Variants in HECTD4 observed in about 807,000 individuals in gnomAD.
HECTD4 encodes probable E3 ubiquitin-protein ligase HECTD4.
A neutral mutation model predicts 471.5 loss-of-function variants in HECTD4; 114 were observed. The observed-to-expected ratio is 0.24, with a 90% CI of 0.21 to 0.28. HECTD4 has a LOEUF of 0.28. Ranked by LOEUF, HECTD4 falls within the 10% of genes least tolerant of loss-of-function variation. HECTD4 has a pLI of 1.00. For synonymous variants in HECTD4, 2,012 were observed against 2,256.0 expected (o/e 0.89, Z 3.07); for missense variants, 3,866 against 5,651.5 (o/e 0.68, Z 10.13).
At chr12:112,336,536 T>A (rs2035962089) in intron 1 of HECTD4, among the ~76,000 whole-genome samples, 1 of 151,040 alleles carries the variant, frequency 6.6e-6, no homozygotes, top group Non-Finnish European at 1.5e-5. Flanking sequence ...AAAAAAAAAA[T>A]TCGCACAATT....
Position 112,184,536 on chromosome 12 carries a change from A to T in HECTD4, c.10430T>A (p.Leu3477Gln), listed in dbSNP as rs1318671799. 3.7e-6 allele frequency: 6 copies of T among 1,610,346 alleles called. No individual in the cohort carries two copies. Among genetic ancestry groups the T allele is most frequent in the Non-Finnish European group, 5.1e-6 (6 of 1,179,002 alleles). Residue 3477 changes from leucine to glutamine, a missense_variant, in exon 61 of 76, where the codon CTG becomes CAG. Coordinates refer to ENST00000682272, the MANE Select transcript of HECTD4 (RefSeq NM_001388303.1). This position sits in a 1 kb window ranked among gnomAD's most constrained non-coding sequence, Gnocchi z 9.1. ...DSMEVSTSSS[L>Q]TPAMSISASA... is the part of the protein sequence containing the mutation. ...GGCGCTGATGCTCATGGCGGGGGTC[A>T]GGCTGCTGGACGTGCTGACCTCCAT...
intron 1 of HECTD4, among the ~76,000 whole-genome samples, chr12:112,332,711 A>T (rs2035865404): frequency 6.6e-6 from 1 of 151,910 alleles, no homozygotes; most frequent in African/African-American, 2.4e-5. Context: ...AACATAATTC[A>T]CGTACCATAA....
intron 43 of HECTD4, 132 bp from the exon 44 acceptor site, chr12:112,226,890 C>T: frequency 1.8e-6 from 1 of 556,918 alleles, no homozygotes; most frequent in Non-Finnish European, 3.2e-6. Context: ...ACTCATCTTG[C>T]TTTTTTTTTC....
intron 8 of HECTD4, among the ~76,000 whole-genome samples, chr12:112,280,228 A>G (rs917469741): frequency 1.3e-5 from 2 of 152,068 alleles, no homozygotes; most frequent in Admixed American, 6.6e-5. Flanking sequence ...CCTTATATAC[A>G]TTTTTCTTTT....
At chr12:112,167,133 AG>A in intron 72 of HECTD4, 183 bp downstream of exon 72, 3 of 511,532 alleles carry the variant, frequency 5.9e-6, no homozygotes, top group South Asian at 6.4e-5. Context: ...GCCAGCAGGG[AG>A]GGAGGCCAGA....
chr12:112,238,910 A>G (rs2033577851), intron 34 of HECTD4, 142 bp downstream of exon 34: 1 of 762,256 alleles, frequency 1.3e-6, no homozygotes, highest in Non-Finnish European at 2.0e-6. Flanking sequence ...AAAGTCTCTC[A>G]TGAAATCATC....
chr12:112,230,790 T>C lies in HECTD4; in HGVS notation c.6233A>G (p.His2078Arg), dbSNP rs752120291. 1 of 1,611,034 alleles carries C rather than the reference T, an allele frequency of 6.2e-7. No homozygotes were observed. Among genetic ancestry groups the C allele is most frequent in the Non-Finnish European group, 8.5e-7 (1 of 1,178,652 alleles). The change falls in exon 40 of 76, where the codon CAT becomes CGT. Residue 2078 changes from histidine to arginine, a missense_variant. Coordinates refer to ENST00000682272, the MANE Select transcript of HECTD4 (RefSeq NM_001388303.1). The part of the protein sequence containing the change: ...TDPVRPFISG[H>R]VANSMAAEVI... ...TTCTGCAGCCATGCTGTTTGCCACA[T>C]GCCCACTGATGAAGGGACGCACAGG...
chr12:112,184,072 AG>A lies in HECTD4; in HGVS notation c.10779+114del. 9.9e-7 allele frequency: 1 copy of A among 1,009,798 alleles called. No homozygotes were observed. The allele number at this position is 1,009,798 out of a possible 1,614,324, so 62.6% of individuals were successfully genotyped here. A position where few individuals can be genotyped will look rare whatever the true frequency, so the allele number is the denominator to read the frequency against. On this transcript the variant is annotated intron_variant, in intron 61 of 75. Coordinates refer to ENST00000682272, the MANE Select transcript of HECTD4 (RefSeq NM_001388303.1). The surrounding 1 kb of genome is among the most constrained non-coding windows in gnomAD (Gnocchi z 9.1). ...GCTCATTCCAAGGGCTGCCCCAGGGAGCCCCCAACCGCTCCACCATTACCTA... is the reference window on the plus strand; with the variant it reads ...GCTCATTCCAAGGGCTGCCCCAGGGACCCCCAACCGCTCCACCATTACCTA...
At chr12:112,191,104 A>T (rs1593913573) in intron 59 of HECTD4, 139 bp from the exon 60 acceptor site, 1 of 660,964 alleles carries the variant, frequency 1.5e-6, no homozygotes, top group East Asian at 2.8e-5. Flanking sequence ...AGGAGGACAC[A>T]TAACTCCTGA....
chr12:112,281,917 T>C (rs557971707), intron 8 of HECTD4, among the ~76,000 whole-genome samples: 2 of 152,208 alleles, frequency 1.3e-5, no homozygotes, highest in Non-Finnish European at 2.9e-5. Flanking sequence ...TGGTATGTAA[T>C]CTGTAAACTC....
Position 112,319,229 on chromosome 12 carries a change from C to G in HECTD4, c.691G>C (p.Ala231Pro). ...GATACATTCGATTTTCCTTACCTGGCACAAGCCAAAGCCACCAGGGCAGCA... is the reference window on the plus strand; with the variant it reads ...GATACATTCGATTTTCCTTACCTGGGACAAGCCAAAGCCACCAGGGCAGCA... Reference protein sequence around the residue: ...AAAALVALACARGSLKTFVHT... With the variant: ...AAAALVALACPRGSLKTFVHT... The change falls in exon 2 of 76, where the codon GCC becomes CCC. Residue 231 changes from alanine to proline, a missense_variant. Around this residue, in one of 16 missense-constraint regions of HECTD4, gnomAD observed 440 missense variants for 636.0 expected, o/e 0.69. Transcript: ENST00000682272. The surrounding 1 kb of genome is among the most constrained non-coding windows in gnomAD (Gnocchi z 5.3). 6.5e-7 allele frequency: 1 copy of G among 1,536,048 alleles called. No individual in the cohort carries two copies. Among genetic ancestry groups the G allele is most frequent in the Non-Finnish European group, 8.7e-7 (1 of 1,146,840 alleles).
chr12:112,193,358 C>T lies in HECTD4; in HGVS notation c.8955+111G>A, dbSNP rs968393755. ...AGAAAAGCTTCTAGGAAAAGGAAAT[C>T]GAGAGGAATAGGGACTTGGAAGGGA... On this transcript the variant is annotated intron_variant, in intron 57 of 75. Transcript: ENST00000682272. This position sits in a 1 kb window ranked among gnomAD's most constrained non-coding sequence, Gnocchi z 5.2. 83 of 1,343,226 alleles carry T rather than the reference C, an allele frequency of 6.2e-5. No homozygotes were observed. The highest frequency in any genetic ancestry group is 8.3e-5 in the Non-Finnish European group (80 of 969,226). 83.2% of individuals were successfully genotyped at this position (1,343,226 alleles called of 1,614,324 possible).
Position 112,381,961 on chromosome 12 carries a change from G to A in HECTD4, c.168C>T (p.Thr56=), listed in dbSNP as rs1594091809. Residue 56 remains threonine (T), a synonymous_variant, in exon 1 of 76, where the codon ACC becomes ACT. Coordinates refer to ENST00000682272, the MANE Select transcript of HECTD4 (RefSeq NM_001388303.1). The surrounding 1 kb of genome is among the most constrained non-coding windows in gnomAD (Gnocchi z 4.1). ...EILGAPEAAD[T]DLEILTFETK... ...GGGCCGCCTCGCTCACCTCCAGGTC[G>A]GTGTCCGCGGCCTCTGGGGCCCCGA... 3.3e-6 allele frequency: 4 copies of A among 1,223,974 alleles called. No individual in the cohort carries two copies. The highest frequency in any genetic ancestry group is 4.1e-6 in the Non-Finnish European group (4 of 982,970). 75.8% of individuals were successfully genotyped at this position (1,223,974 alleles called of 1,614,324 possible).
At chr12:112,286,499 G>C (rs1488275165) in intron 7 of HECTD4, among the ~76,000 whole-genome samples, 4 of 151,954 alleles carry the variant, frequency 2.6e-5, no homozygotes, top group Admixed American at 6.6e-5. Flanking sequence ...CATAGTTTGA[G>C]ACCAACCTGT....
At chr12:112,359,617 C>T (rs958116493) in intron 1 of HECTD4, among the ~76,000 whole-genome samples, 8 of 152,130 alleles carry the variant, frequency 5.3e-5, no homozygotes, top group African/African-American at 1.9e-4. Context: ...TGGGGTTTCA[C>T]CATTTTGGCC....
rs375826951 is a variant in HECTD4 at position 112,179,207 on chromosome 12, C to T, written c.11178G>A (p.Pro3726=). Residue 3726 remains proline (P), a synonymous_variant, in exon 63 of 76, where the codon CCG becomes CCA. Transcript: ENST00000682272. This position sits in a 1 kb window ranked among gnomAD's most constrained non-coding sequence, Gnocchi z 4.3. Reference sequence around the variant, plus strand: ...GCTGATCCTCCAGCACCTTTTTTGGCGGCCGGACATTGGTGAAGAAGAGGT... The same window carrying T: ...GCTGATCCTCCAGCACCTTTTTTGGTGGCCGGACATTGGTGAAGAAGAGGT... ...LLHLFFTNVR[P]PKKVLEDQLT... is the part of the protein sequence containing the mutation. The T allele has an allele frequency of 5.3e-4, 854 of 1,613,586 alleles. No individual in the cohort carries two copies. The highest frequency in any genetic ancestry group is 6.1e-4 in the Non-Finnish European group (716 of 1,179,786).
At chr12:112,248,644 A>C (rs2033812156) in intron 25 of HECTD4, 132 bp from the exon 26 acceptor site, 1 of 554,358 alleles carries the variant, frequency 1.8e-6, no homozygotes, top group Non-Finnish European at 3.0e-6. Flanking sequence ...TCAGTGGAGC[A>C]ATCATGGCTC....
chr12:112,348,117 A>T (rs938637424), intron 1 of HECTD4, among the ~76,000 whole-genome samples: 7 of 152,172 alleles, frequency 4.6e-5, no homozygotes, highest in Admixed American at 1.3e-4. Context: ...GGAAAAACTT[A>T]AAAAATTTTT....
At position 112,194,979 on chromosome 12, in the gene HECTD4, C is replaced by G; in HGVS notation, c.8655G>C (p.Leu2885Phe). Residue 2885 changes from leucine (L) to phenylalanine (F), a missense_variant, in exon 56 of 76, where the codon TTG (leucine) becomes TTC (phenylalanine). By Grantham distance (22) the Leu-to-Phe change is conservative (BLOSUM62 0). Around this residue, in one of 16 missense-constraint regions of HECTD4, gnomAD observed 266 missense variants for 441.6 expected, o/e 0.60. Coordinates refer to ENST00000682272, the MANE Select transcript of HECTD4 (RefSeq NM_001388303.1). The surrounding 1 kb of genome is among the most constrained non-coding windows in gnomAD (Gnocchi z 4.6). ...LNIFAPKLPH[L>F]FTRLFHIPAI... is the part of the protein sequence containing the mutation. ...CAGGGATGTGGAAGAGGCGAGTGAA[C>G]AAGTGAGGCAACTTCGGGGCGAAGA... is the stretch of plus-strand genomic sequence containing the variant. 1 of 1,611,422 alleles carries G rather than the reference C, an allele frequency of 6.2e-7. No homozygotes were observed. The highest frequency in any genetic ancestry group is 8.5e-7 in the Non-Finnish European group (1 of 1,178,912).
Sources: gnomAD v4.1 joint callset for allele counts (sites outside exome capture counted in the v4.1 genomes callset) on GRCh38, gnomAD v4.1.1 for gene constraint, gnomAD v4.1.1 regional missense constraint, Gnocchi (gnomAD v3.1) non-coding constraint, MANE v1.5 for transcripts, NCBI Gene and HGNC (gene_info 2026-07-23, HGNC 2026-07-21) for gene names.